Variants in NRG3 observed in about 807,000 individuals in gnomAD.
The protein encoded by NRG3 is pro-neuregulin-3, membrane-bound isoform.
A neutral mutation model predicts 66.9 loss-of-function variants in NRG3; 31 were observed. The ratio of observed to expected loss-of-function variants is 0.46; its 90% CI spans 0.35 to 0.63. NRG3 has a LOEUF of 0.63. Ranked by LOEUF, NRG3 falls within the 20% of genes least tolerant of loss-of-function variation. The pLI, the probability that NRG3 is intolerant of heterozygous loss-of-function variation, is 0.00. For synonymous variants in NRG3, 393 were observed against 359.4 expected, an observed-to-expected ratio of 1.09 and a Z score of -1.06; for missense variants, 910 against 878.9, an observed-to-expected ratio of 1.04 and a Z score of -0.45.
chr10:81,926,491 C>T (rs1235663505), intron 1 of NRG3, among the ~76,000 whole-genome samples: 1 of 152,080 alleles, frequency 6.6e-6, no homozygotes. Context: ...ACCCACATAA[C>T]TGAAAACTTT....
chr10:82,617,144 C>A (rs1329879569), intron 2 of NRG3, among the ~76,000 whole-genome samples: 1 of 151,906 alleles, frequency 6.6e-6, no homozygotes, highest in Non-Finnish European at 1.5e-5. Context: ...CATGCACACA[C>A]ACACCACTCA....
At chr10:82,290,788 C>G (rs376807745) in intron 1 of NRG3, among the ~76,000 whole-genome samples, 426 of 147,398 alleles carry the variant, frequency 2.9e-3, no homozygotes, top group African/African-American at 0.01. Context: ...CATCCACCAC[C>G]ACGCCTGGCT....
At chr10:82,482,764 G>A (rs1842380454) in intron 2 of NRG3, among the ~76,000 whole-genome samples, 1 of 152,148 alleles carries the variant, frequency 6.6e-6, no homozygotes, top group Non-Finnish European at 1.5e-5. Flanking sequence ...TCTCTACTTA[G>A]GCAATGAGGT....
chr10:81,931,266 G>T (rs2132990193), intron 1 of NRG3, among the ~76,000 whole-genome samples: 1 of 152,268 alleles, frequency 6.6e-6, no homozygotes, highest in South Asian at 2.1e-4. Flanking sequence ...CATCTCATGA[G>T]CATAAACTCA....
chr10:82,853,010 G>A (rs976818422), intron 3 of NRG3, among the ~76,000 whole-genome samples: 1 of 152,112 alleles, frequency 6.6e-6, no homozygotes, highest in African/African-American at 2.4e-5. Context: ...GTAGTCACTT[G>A]CATGATGGCC....
Position 82,570,834 on chromosome 10 carries a change from G to A in NRG3, c.954-167743G>A, listed in dbSNP as rs550293211. 5.9e-5 allele frequency among the ~76,000 whole-genome samples: 9 copies of A among 151,690 alleles called. No individual in the cohort carries two copies. In the South Asian group the frequency reaches 1.9e-3, roughly 31 times the overall value. On this transcript the variant is annotated intron_variant, in intron 2 of 8. Transcript: ENST00000372141. Reference sequence around the variant, plus strand: ...TTTCTCAAACCTTTCAGTATTTTCTGTTCAAAGATTATAACTGTCTTTCAT... The same window carrying A: ...TTTCTCAAACCTTTCAGTATTTTCTATTCAAAGATTATAACTGTCTTTCAT...
chr10:82,264,280 C>T (rs1399132855), intron 1 of NRG3, among the ~76,000 whole-genome samples: 5 of 152,176 alleles, frequency 3.3e-5, no homozygotes, highest in Non-Finnish European at 4.4e-5. Context: ...CAATCATGGC[C>T]GAAGGCACCC....
intron 4 of NRG3, among the ~76,000 whole-genome samples, chr10:82,941,884 G>A (rs1166660822): frequency 6.6e-6 from 1 of 152,142 alleles, no homozygotes; most frequent in Non-Finnish European, 1.5e-5. Context: ...GACTATAAGA[G>A]TAATCATGCT....
chr10:82,034,905 G>A (rs2062731853), intron 1 of NRG3, among the ~76,000 whole-genome samples: 1 of 151,948 alleles, frequency 6.6e-6, no homozygotes, highest in African/African-American at 2.4e-5. Flanking sequence ...ATGCAGCCCT[G>A]GCACCATCTT....
intron 1 of NRG3, among the ~76,000 whole-genome samples, chr10:82,336,720 G>T (rs1285690872): frequency 6.6e-6 from 1 of 151,800 alleles, no homozygotes; most frequent in African/African-American, 2.4e-5. Flanking sequence ...ATGGGGTTTT[G>T]CCATGTTGGC....
At chr10:82,130,541 T>TG (rs112765587) in intron 1 of NRG3, among the ~76,000 whole-genome samples, 11 of 152,048 alleles carry the variant, frequency 7.2e-5, no homozygotes, top group Non-Finnish European at 1.0e-4. Flanking sequence ...TTCATTTTTT[T>TG]GGGGGGGTAT....
At chr10:82,478,817 A>G (rs934778186) in intron 2 of NRG3, among the ~76,000 whole-genome samples, 11 of 152,238 alleles carry the variant, frequency 7.2e-5, no homozygotes, top group Non-Finnish European at 2.9e-5. Context: ...AAAACAATAG[A>G]CAAGAACCTG....
chr10:81,957,033 G>A (rs1697704084), intron 1 of NRG3, among the ~76,000 whole-genome samples: 1 of 152,146 alleles, frequency 6.6e-6, no homozygotes, highest in African/African-American at 2.4e-5. Context: ...AGCTCTCTTT[G>A]AACCCATAAG....
intron 2 of NRG3, among the ~76,000 whole-genome samples, chr10:82,639,627 G>C (rs569851416): frequency 6.6e-6 from 1 of 152,220 alleles, no homozygotes; most frequent in South Asian, 2.1e-4. Context: ...CTAGAAGTTA[G>C]ACTTTTTTAA....
At chr10:82,200,368 T>C (rs1397653147) in intron 1 of NRG3, among the ~76,000 whole-genome samples, 3 of 152,134 alleles carry the variant, frequency 2.0e-5, no homozygotes, top group Non-Finnish European at 4.4e-5. Context: ...ATACCTGGCA[T>C]GGAGAAGAGA....
At chr10:81,935,191 G>A (rs777188326) in intron 1 of NRG3, among the ~76,000 whole-genome samples, 28 of 152,262 alleles carry the variant, frequency 1.8e-4, no homozygotes, top group Non-Finnish European at 3.1e-4. Flanking sequence ...GCTTTTTTAT[G>A]TTGTTCTTTA....
chr10:82,115,647 A>G (rs1259718897), intron 1 of NRG3, among the ~76,000 whole-genome samples: 1 of 152,158 alleles, frequency 6.6e-6, no homozygotes, highest in Non-Finnish European at 1.5e-5. Context: ...GGCCTAAAAG[A>G]TAATCAAATC....
chr10:82,310,920 C>G (rs2080991689), intron 1 of NRG3, among the ~76,000 whole-genome samples: 1 of 152,108 alleles, frequency 6.6e-6, no homozygotes, highest in Admixed American at 6.6e-5. Context: ...GCCAATGTAG[C>G]CAAACTTGGG....
intron 1 of NRG3, among the ~76,000 whole-genome samples, chr10:82,013,606 A>G (rs2061666709): frequency 6.6e-6 from 1 of 152,126 alleles, no homozygotes; most frequent in South Asian, 2.1e-4. Flanking sequence ...AGTTTCAGAA[A>G]TTCAACGTCG....
Sources: gnomAD v4.1 joint callset for allele counts (sites outside exome capture counted in the v4.1 genomes callset) on GRCh38, gnomAD v4.1.1 for gene constraint, MANE v1.5 for transcripts, NCBI Gene and HGNC (gene_info 2026-07-23, HGNC 2026-07-21) for gene names.